The following NCK2 variants were observed in gnomAD, a reference collection of about 807,000 sequenced individuals.
The protein encoded by NCK2 is NCK adaptor protein 2, also known as cytoplasmic protein NCK2.
Under a neutral mutation model 33.9 loss-of-function variants are expected in NCK2, and 16 were observed. That is an observed-to-expected ratio of 0.47 (90% CI 0.32 to 0.72). NCK2 has a LOEUF of 0.72. Ranked by LOEUF, NCK2 falls within the 30% of genes least tolerant of loss-of-function variation. The pLI, the probability that NCK2 is intolerant of heterozygous loss-of-function variation, is 0.03. For missense variants in NCK2, 418 were observed against 537.3 expected (o/e 0.78, Z 2.19); for synonymous variants, 273 against 239.9 (o/e 1.14, Z -1.27).
At chr2:105,793,021 T>C (rs1690946951) in intron 1 of NCK2, among the ~76,000 whole-genome samples, 2 of 152,238 alleles carry the variant, frequency 1.3e-5, no homozygotes, top group South Asian at 4.1e-4. Context: ...TTTCCTGTCC[T>C]GTGTCATGAA....
At chr2:105,873,994 C>T (rs1054190414) in intron 3 of NCK2, among the ~76,000 whole-genome samples, 1 of 152,104 alleles carries the variant, frequency 6.6e-6, no homozygotes, top group African/African-American at 2.4e-5. Flanking sequence ...CCAGCAAAGG[C>T]GGGGGAAGGC....
At chr2:105,809,947 C>T (rs928229590) in intron 1 of NCK2, among the ~76,000 whole-genome samples, 1 of 152,002 alleles carries the variant, frequency 6.6e-6, no homozygotes, top group African/African-American at 2.4e-5. Context: ...GGGAAGGGAG[C>T]GAGCGGGACT....
intron 2 of NCK2, among the ~76,000 whole-genome samples, chr2:105,819,225 C>G (rs1199120191): frequency 6.6e-6 from 1 of 151,824 alleles, no homozygotes; most frequent in Non-Finnish European, 1.5e-5. Context: ...CTCTTCCAGA[C>G]CTTGTGCAAG....
chr2:105,775,955 T>A (rs1018969739), intron 1 of NCK2, among the ~76,000 whole-genome samples: 2 of 152,154 alleles, frequency 1.3e-5, no homozygotes, highest in African/African-American at 4.8e-5. Context: ...AAAAAAACAG[T>A]GCGAGGGATA....
rs1412030017 is a variant in NCK2, at chr2:105,822,154, C to G, written c.-17+5541C>G. On this transcript the variant is annotated intron_variant, in intron 2 of 4. Coordinates refer to ENST00000233154, the MANE Select transcript of NCK2 (RefSeq NM_003581.5). ...TTTTTTTCTCCCCTAGAAAAATCTC[C>G]TGCAACTAAGTGCAGTTTGGAGAGT... is the stretch of plus-strand genomic sequence containing the variant. Among the ~76,000 whole-genome samples the G allele has an allele frequency of 2.4e-5, 3 of 123,258 alleles. No individual in the cohort carries two copies. The East Asian group carries it at 7.8e-4, about 32-fold the overall frequency. The allele number at this position is 123,258 out of a possible 152,430, so 80.9% of individuals were successfully genotyped here. A position where few individuals can be genotyped will look rare whatever the true frequency, so the allele number is the denominator to read the frequency against.
intron 4 of NCK2, among the ~76,000 whole-genome samples, chr2:105,886,049 A>T (rs1678709839): frequency 6.6e-6 from 1 of 152,186 alleles, no homozygotes; most frequent in African/African-American, 2.4e-5. Flanking sequence ...AGGCTCCGTG[A>T]TCCATGGTGT....
At chr2:105,862,403 C>A (rs184496864) in intron 3 of NCK2, among the ~76,000 whole-genome samples, 34 of 152,260 alleles carry the variant, frequency 2.2e-4, no homozygotes, top group Admixed American at 9.2e-4. Context: ...CCCAGGCCAG[C>A]CTCAGTAGTG....
chr2:105,828,644 TG>T (rs1325230951), intron 2 of NCK2, among the ~76,000 whole-genome samples: 3 of 152,246 alleles, frequency 2.0e-5, no homozygotes, highest in Non-Finnish European at 4.4e-5. Context: ...GCACTAACCC[TG>T]GGGTCAAGAG....
intron 1 of NCK2, among the ~76,000 whole-genome samples, chr2:105,816,109 C>A (rs1675475538): frequency 6.6e-6 from 1 of 152,090 alleles, no homozygotes; most frequent in Non-Finnish European, 1.5e-5. Flanking sequence ...AGGCACAGAG[C>A]AGCTTTAATC....
intron 2 of NCK2, chr2:105,851,918 G>C (rs1677084840): frequency 6.6e-6 from 1 of 152,320 alleles, no homozygotes; most frequent in Non-Finnish European, 1.5e-5. Context: ...GTTTTGTTTT[G>C]GTTTGGTTTA....
intron 1 of NCK2, among the ~76,000 whole-genome samples, chr2:105,805,591 TCCC>T (rs1327106297): frequency 6.6e-6 from 1 of 152,028 alleles, no homozygotes; most frequent in Non-Finnish European, 1.5e-5. Context: ...TCCACCAAAA[TCCC>T]CCCATTTTCC....
At chr2:105,857,562 T>C (rs1677330231) in intron 3 of NCK2, among the ~76,000 whole-genome samples, 1 of 152,242 alleles carries the variant, frequency 6.6e-6, no homozygotes. Context: ...AGCCCTCCCA[T>C]AGGCTTGGTC....
At chr2:105,794,200 CACCACGCTGGCTAATTTTTGTG>C (rs1393237104) in intron 1 of NCK2, among the ~76,000 whole-genome samples, 4 of 151,918 alleles carry the variant, frequency 2.6e-5, no homozygotes, top group Non-Finnish European at 5.9e-5. Flanking sequence ...AGGCGCCTGC[CACCACGCTGGCTAATTTTTGTG>C]TTTTTAGAAG....
At chr2:105,875,824 C>T (rs954931968) in intron 3 of NCK2, among the ~76,000 whole-genome samples, 4 of 152,274 alleles carry the variant, frequency 2.6e-5, no homozygotes, top group African/African-American at 9.6e-5. Flanking sequence ...AATTAAGATA[C>T]CATCAGATCT....
chr2:105,859,377 TCACCCTGC>T (rs984364626), intron 3 of NCK2, among the ~76,000 whole-genome samples: 4 of 152,270 alleles, frequency 2.6e-5, no homozygotes, highest in Admixed American at 6.5e-5. Context: ...TGCCCGTGGC[TCACCCTGC>T]CACCCTACCT....
At chr2:105,744,806 G>C (rs1464227252), upstream of NCK2, 1 of 150,064 alleles carries the variant, frequency 6.7e-6, no homozygotes, top group African/African-American at 2.4e-5. Context: ...CGGCCGGGGA[G>C]GAGCGCGGGA....
chr2:105,764,340 C>T (rs1050322404), intron 1 of NCK2, among the ~76,000 whole-genome samples: 1 of 152,334 alleles, frequency 6.6e-6, no homozygotes, highest in South Asian at 2.1e-4. Context: ...CCCCACAGCT[C>T]GAGTGGAAAT....
intron 1 of NCK2, among the ~76,000 whole-genome samples, chr2:105,789,671 T>A (rs2104421657): frequency 6.6e-6 from 1 of 152,304 alleles, no homozygotes; most frequent in South Asian, 2.1e-4. Context: ...TTATTGTCCA[T>A]CATCATCTGC....
At chr2:105,804,786 G>A (rs1400691089) in intron 1 of NCK2, among the ~76,000 whole-genome samples, 1 of 152,218 alleles carries the variant, frequency 6.6e-6, no homozygotes, top group African/African-American at 2.4e-5. Flanking sequence ...GCATAGGTAT[G>A]TTATTATCTG....
Sources: allele counts gnomAD v4.1 joint callset (sites outside exome capture counted in the v4.1 genomes callset), GRCh38; gene constraint gnomAD v4.1.1; transcripts MANE v1.5; gene names NCBI Gene and HGNC (gene_info 2026-07-23, HGNC 2026-07-21).